The following CD8B variants were observed in gnomAD, a reference collection of about 807,000 sequenced individuals.
CD8B encodes the protein T-cell surface glycoprotein CD8 beta chain.
A neutral mutation model predicts 24.2 loss-of-function variants in CD8B; 6 were observed. The observed-to-expected ratio is 0.25, with a 90% CI of 0.14 to 0.49. CD8B has a LOEUF of 0.49. Among genes scored for constraint, CD8B ranks in the 20% least tolerant of loss-of-function variants. The probability of loss-of-function intolerance (pLI) is 0.98; values close to 1 mark genes in which losing one functional copy is unlikely to be tolerated. For missense variants in CD8B, 196 were observed against 271.3 expected (o/e 0.72, Z 1.95); for synonymous variants, 84 against 108.3 (o/e 0.78, Z 1.39).
In CD8B at chr2:86,839,581, C is replaced by T. The variant is rs111489440; in HGVS notation, c.*2726G>A. Among the ~76,000 whole-genome samples, 2,839 of 152,332 alleles carry T rather than the reference C, an allele frequency of 0.019. 84 individuals carry two copies. Among genetic ancestry groups the T allele is most frequent in the African/African-American group, 0.065 (2,685 of 41,552 alleles). ...GCAGCCCCCACCATTGGCAGCCCAG[C>T]CTGCTCCAGCTCCCTGGGCAGCCGG... is the stretch of plus-strand genomic sequence containing the variant. On this transcript the variant is annotated 3_prime_UTR_variant, in exon 6 of 6. Transcript: ENST00000390655.
At chr2:86,830,561 T>C (rs1446070917) in intron 5 of CD8B, among the ~76,000 whole-genome samples, 2 of 151,440 alleles carry the variant, frequency 1.3e-5, no homozygotes, top group Non-Finnish European at 2.9e-5. Context: ...AGTGAGACTC[T>C]GTCTCCAAAA....
chr2:86,822,209 T>C, intron 5 of CD8B: 1 of 610,318 alleles, frequency 1.6e-6, no homozygotes. Flanking sequence ...GTGCTGAAAA[T>C]GTGTTTTCCA....
intron 2 of CD8B, among the ~76,000 whole-genome samples, chr2:86,857,676 C>T (rs535511488): frequency 2.5e-4 from 38 of 152,168 alleles, no homozygotes; most frequent in Admixed American, 5.9e-4. Flanking sequence ...GCCAAGATCG[C>T]ACCACTGCAC....
chr2:86,846,653 A>ACC, intron 4 of CD8B, 31 bp downstream of exon 4: 1 of 1,192,826 alleles, frequency 8.4e-7, no homozygotes, highest in South Asian at 1.4e-5. Flanking sequence ...GCAAACAGGG[A>ACC]CACCCAACAA....
At chr2:86,818,686 G>T (rs188904485) in intron 5 of CD8B, among the ~76,000 whole-genome samples, 15 of 152,256 alleles carry the variant, frequency 9.9e-5, no homozygotes, top group Admixed American at 7.2e-4. Flanking sequence ...GCCCCCCTAT[G>T]CCCTGAGCCA....
At chr2:86,842,875 C>T (rs1450715747) in intron 5 of CD8B, among the ~76,000 whole-genome samples, 1 of 152,148 alleles carries the variant, frequency 6.6e-6, no homozygotes, top group Non-Finnish European at 1.5e-5. Context: ...GAGGAGGTCT[C>T]AGGGTCCCCC....
Position 86,858,181 on chromosome 2 carries a change from A to C in CD8B, c.279T>G (p.Phe93Leu), listed in dbSNP as rs771926098. ...EEVEQEKIAV[F>L]RDASRFILNL... ...TGAGAATGAACCGGCTTGCATCCCG[A>C]AACACAGCTATCTTCTCCTGTTCCA... Residue 93 changes from phenylalanine to leucine, a missense_variant, in exon 2 of 6, where the codon TTT becomes TTG. Phe to Leu is a conservative substitution (Grantham distance 22, BLOSUM62 0). Transcript: ENST00000390655. 17 of 1,613,988 alleles carry C rather than the reference A, an allele frequency of 1.1e-5. No individual in the cohort carries two copies. The Middle Eastern group carries it at 5.0e-4, about 47-fold the overall frequency.
At chr2:86,842,993 A>C (rs1675507687) in intron 5 of CD8B, among the ~76,000 whole-genome samples, 1 of 152,188 alleles carries the variant, frequency 6.6e-6, no homozygotes, top group African/African-American at 2.4e-5. Context: ...ACTGGGGAGC[A>C]AGTTAAAATG....
chr2:86,855,902 C>A (rs546706531), intron 2 of CD8B, among the ~76,000 whole-genome samples: 7 of 152,228 alleles, frequency 4.6e-5, no homozygotes, highest in Non-Finnish European at 7.3e-5. Flanking sequence ...GTTTTAAATT[C>A]TTCTTGCCTA....
At chr2:86,834,537 G>A (rs1402788622), downstream of CD8B, among the ~76,000 whole-genome samples, 1 of 151,880 alleles carries the variant, frequency 6.6e-6, no homozygotes, top group African/African-American at 2.4e-5. Flanking sequence ...GGGAGAGGGT[G>A]GGGAGGTTTG....
intron 5 of CD8B, among the ~76,000 whole-genome samples, chr2:86,817,446 C>A (rs900301624): frequency 6.6e-6 from 1 of 151,812 alleles, no homozygotes; most frequent in Non-Finnish European, 1.5e-5. Flanking sequence ...AAATATGACA[C>A]AATAAATGAA....
rs768974293 is a variant in CD8B at position 86,844,905 on chromosome 2, C to T, written c.620+17G>A. 1.9e-6 allele frequency: 3 copies of T among 1,557,558 alleles called. No homozygotes were observed. The highest frequency in any genetic ancestry group is 2.6e-6 in the Non-Finnish European group (3 of 1,150,446). On this transcript the variant is annotated intron_variant, in intron 5 of 5. Coordinates refer to ENST00000390655, the MANE Select transcript of CD8B (RefSeq NM_004931.5). ...GGGGCTGAGGAACCCAAGGCCACAC[C>T]CAGGTTATACACTTACTGTTTCATG...
At chr2:86,832,333 C>A (rs571493919) in intron 5 of CD8B, among the ~76,000 whole-genome samples, 21 of 151,982 alleles carry the variant, frequency 1.4e-4, no homozygotes, top group Non-Finnish European at 2.5e-4. Flanking sequence ...ACAAAATTAG[C>A]CAGGCATGGT....
intron 3 of CD8B, among the ~76,000 whole-genome samples, chr2:86,848,952 T>C (rs1675834641): frequency 6.6e-6 from 1 of 152,028 alleles, no homozygotes; most frequent in South Asian, 2.1e-4. Context: ...CCTGACCTTA[T>C]GTGATCCACC....
At chr2:86,829,942 A>G (rs1347339356) in intron 5 of CD8B, among the ~76,000 whole-genome samples, 1 of 152,232 alleles carries the variant, frequency 6.6e-6, no homozygotes, top group Non-Finnish European at 1.5e-5. Flanking sequence ...TTTAAATTTA[A>G]TAATGCATTG....
At chr2:86,845,371 T>C (rs1447792880) in intron 4 of CD8B, among the ~76,000 whole-genome samples, 2 of 152,242 alleles carry the variant, frequency 1.3e-5, no homozygotes, top group Non-Finnish European at 2.9e-5. Context: ...GCAATTGCAT[T>C]CAGAGGGTGA....
chr2:86,822,828 C>T (rs1443194917), intron 5 of CD8B, among the ~76,000 whole-genome samples: 1 of 152,208 alleles, frequency 6.6e-6, no homozygotes, highest in African/African-American at 2.4e-5. Context: ...GAGCCAGAAT[C>T]AAGCAGTATG....
chr2:86,851,205 C>A (rs1675959840), intron 3 of CD8B, among the ~76,000 whole-genome samples: 1 of 152,094 alleles, frequency 6.6e-6, no homozygotes, highest in African/African-American at 2.4e-5. Flanking sequence ...GCTGTCCTTA[C>A]ATGAAGATGA....
At chr2:86,822,224 T>C (rs1211956960) in intron 5 of CD8B, 21 of 662,068 alleles carry the variant, frequency 3.2e-5, no homozygotes, top group South Asian at 2.0e-4. Context: ...TTTCCACTTA[T>C]ACCCCAGCAG....
Sources: gnomAD v4.1 joint callset for allele counts (sites outside exome capture counted in the v4.1 genomes callset) on GRCh38, gnomAD v4.1.1 for gene constraint, MANE v1.5 for transcripts, NCBI Gene and HGNC (gene_info 2026-07-23, HGNC 2026-07-21) for gene names.